Variants in CACNA1C observed in about 807,000 individuals in gnomAD.
CACNA1C encodes calcium voltage-gated channel subunit alpha1 C, also known as voltage-dependent L-type calcium channel subunit alpha-1C.
A neutral mutation model predicts 229.0 loss-of-function variants in CACNA1C; 30 were observed. That is an observed-to-expected ratio of 0.13 (90% CI 0.10 to 0.18). The LOEUF is 0.18. Ranked by LOEUF, CACNA1C falls within the 10% of genes least tolerant of loss-of-function variation. The probability of loss-of-function intolerance (pLI) is 1.00; values close to 1 mark genes in which losing one functional copy is unlikely to be tolerated. For missense variants in CACNA1C, 1,658 were observed against 2,845.0 expected, an observed-to-expected ratio of 0.58 and a Z score of 9.49; for synonymous variants, 1,114 against 1,132.5, an observed-to-expected ratio of 0.98 and a Z score of 0.33.
intron 30 of CACNA1C, among the ~76,000 whole-genome samples, chr12:2,642,932 A>G (rs930049163): frequency 3.3e-5 from 5 of 152,214 alleles, no homozygotes; most frequent in African/African-American, 1.2e-4. Context: ...GCTGCACATG[A>G]TAACAGTGAG....
intron 3 of CACNA1C, among the ~76,000 whole-genome samples, chr12:2,377,487 G>T (rs929420858): frequency 4.6e-5 from 7 of 152,166 alleles, no homozygotes; most frequent in African/African-American, 1.7e-4. Context: ...CAGGTGTGCT[G>T]GGCCCCTGAC....
intron 3 of CACNA1C, among the ~76,000 whole-genome samples, chr12:2,211,918 A>T (rs902986110): frequency 1.3e-5 from 2 of 151,458 alleles, no homozygotes; most frequent in African/African-American, 2.4e-5. Context: ...ATGGGGTTTC[A>T]CCATGTTGGC....
intron 34 of CACNA1C, among the ~76,000 whole-genome samples, chr12:2,656,347 C>G (rs1435581544): frequency 6.6e-6 from 1 of 151,974 alleles, no homozygotes; most frequent in African/African-American, 2.4e-5. Flanking sequence ...ACAATAGCAT[C>G]AAAAAACTAA....
At chr12:2,142,306 C>A (rs1039842420) in intron 3 of CACNA1C, among the ~76,000 whole-genome samples, 7 of 151,016 alleles carry the variant, frequency 4.6e-5, no homozygotes, top group African/African-American at 1.7e-4. Context: ...TATCTTTCTG[C>A]CGTCGTAATG....
chr12:2,550,774 A>T (rs2099898996), intron 10 of CACNA1C: 1 of 852,468 alleles, frequency 1.2e-6, no homozygotes, highest in African/African-American at 1.7e-5. Flanking sequence ...GCCCTTTCAC[A>T]ACGCTGAGCT....
intron 7 of CACNA1C, among the ~76,000 whole-genome samples, chr12:2,499,467 G>A (rs1452216197): frequency 6.6e-6 from 1 of 152,244 alleles, no homozygotes; most frequent in Non-Finnish European, 1.5e-5. Context: ...GCCTCGAGGA[G>A]AGGGGCTAGG....
chr12:2,559,614 A>G (rs2046409705), intron 11 of CACNA1C, among the ~76,000 whole-genome samples: 1 of 152,254 alleles, frequency 6.6e-6, no homozygotes, highest in South Asian at 2.1e-4. Flanking sequence ...GTAGATTGGC[A>G]CTATCATTGA....
At chr12:2,620,022 T>G (rs2082467355) in intron 29 of CACNA1C, among the ~76,000 whole-genome samples, 1 of 152,214 alleles carries the variant, frequency 6.6e-6, no homozygotes, top group Non-Finnish European at 1.5e-5. Flanking sequence ...ACACCTGAGA[T>G]CAAGTAACAT....
chr12:2,150,016 A>G (rs2095093390), intron 3 of CACNA1C, among the ~76,000 whole-genome samples: 1 of 152,170 alleles, frequency 6.6e-6, no homozygotes, highest in South Asian at 2.1e-4. Flanking sequence ...GAGGCACTAA[A>G]AGGGGGTCAA....
intron 3 of CACNA1C, among the ~76,000 whole-genome samples, chr12:2,269,500 T>G (rs2083876559): frequency 6.6e-6 from 1 of 152,150 alleles, no homozygotes; most frequent in Non-Finnish European, 1.5e-5. Flanking sequence ...AGTCGTACAG[T>G]CTTTGTGGAG....
At chr12:1,992,642 G>A (rs2470433) in intron 1 of CACNA1C, 20,687 of 159,492 alleles carry the variant, frequency 0.13, 1,584 homozygotes, top group Admixed American at 0.19. Context: ...GGTCAGAAAC[G>A]ATACGAGAGT....
intron 3 of CACNA1C, among the ~76,000 whole-genome samples, chr12:2,165,084 G>A (rs1010997617): frequency 1.3e-5 from 2 of 152,170 alleles, no homozygotes; most frequent in Non-Finnish European, 2.9e-5. Flanking sequence ...GCACATGATA[G>A]CATTTTAATA....
intron 3 of CACNA1C, among the ~76,000 whole-genome samples, chr12:2,124,868 C>A (rs757405527): frequency 2.0e-5 from 3 of 151,994 alleles, no homozygotes; most frequent in African/African-American, 7.3e-5. Context: ...TGGAGGAGCC[C>A]GTGGAGCGTG....
intron 9 of CACNA1C, among the ~76,000 whole-genome samples, chr12:2,535,538 A>C (rs1290609134): frequency 6.8e-6 from 1 of 147,352 alleles, no homozygotes; most frequent in Non-Finnish European, 1.5e-5. Context: ...ATCTCTATTA[A>C]AAAAAAAAAA....
intron 3 of CACNA1C, among the ~76,000 whole-genome samples, chr12:2,332,039 A>C (rs565724152): frequency 6.6e-6 from 1 of 152,328 alleles, no homozygotes; most frequent in South Asian, 2.1e-4. Context: ...TACTGTGTCC[A>C]TGTTAAATTT....
In CACNA1C at chr12:2,501,209, C is replaced by CAAAAAAAAAAA. The variant is rs59324696; in HGVS notation, c.1114-3618_1114-3608dup. 8.1e-3 allele frequency among the ~76,000 whole-genome samples: 253 copies of CAAAAAAAAAAA among 31,364 alleles called. 23 individuals are homozygous for CAAAAAAAAAAA. Among genetic ancestry groups the CAAAAAAAAAAA allele is most frequent in the Non-Finnish European group, 0.01 (194 of 19,278 alleles). The allele number at this position is 31,364 out of a possible 152,430, so 20.6% of individuals were successfully genotyped here. A position where few individuals can be genotyped will look rare whatever the true frequency, so the allele number is the denominator to read the frequency against. ...TGGGCGACAGAGTGAGACTCCACCT[C>CAAAAAAAAAAA]AAAAAAAAAAAAAAAAAAAAAAAAA... On this transcript the variant is annotated intron_variant, in intron 7 of 46. Coordinates refer to ENST00000399655, the MANE Select transcript of CACNA1C (RefSeq NM_000719.7).
intron 3 of CACNA1C, among the ~76,000 whole-genome samples, chr12:2,177,024 G>A (rs1327646302): frequency 1.3e-5 from 2 of 152,208 alleles, no homozygotes; most frequent in Non-Finnish European, 2.9e-5. Context: ...TAATCAATAG[G>A]TGTCTGATGG....
intron 11 of CACNA1C, among the ~76,000 whole-genome samples, chr12:2,561,258 G>A (rs1289172153): frequency 6.6e-6 from 1 of 152,182 alleles, no homozygotes; most frequent in African/African-American, 2.4e-5. Context: ...ACAGTACAAG[G>A]AAATGGGAAC....
chr12:2,096,224 G>A (rs2073895839), intron 1 of CACNA1C, among the ~76,000 whole-genome samples: 1 of 152,200 alleles, frequency 6.6e-6, no homozygotes, highest in Non-Finnish European at 1.5e-5. Flanking sequence ...GGTGAGTCTG[G>A]TTTTACTCAG....
Sources: allele counts gnomAD v4.1 joint callset (sites outside exome capture counted in the v4.1 genomes callset), GRCh38; gene constraint gnomAD v4.1.1; transcripts MANE v1.5; gene names NCBI Gene and HGNC (gene_info 2026-07-23, HGNC 2026-07-21).